CPSF2: variants seen among roughly 807,000 people sequenced by gnomAD.
The protein encoded by CPSF2 is cleavage and polyadenylation specific factor 2.
CPSF2 carries 51 observed loss-of-function variants against 84.2 expected under a neutral mutation model. The ratio of observed to expected loss-of-function variants is 0.61; its 90% CI spans 0.48 to 0.77. The LOEUF (loss-of-function observed/expected upper bound fraction) is 0.77. Ranked by LOEUF, CPSF2 falls within the 30% of genes least tolerant of loss-of-function variation. The pLI is 0.00. For missense variants in CPSF2, 641 were observed against 929.4 expected (o/e 0.69, Z 4.03); for synonymous variants, 286 against 311.9 (o/e 0.92, Z 0.87).
chr14:92,124,779 G>A (rs2068824804), intron 1 of CPSF2, among the ~76,000 whole-genome samples: 1 of 152,152 alleles, frequency 6.6e-6, no homozygotes, highest in African/African-American at 2.4e-5. Flanking sequence ...TATTCAACAT[G>A]ATTACATGTT....
rs781613826 is a variant in CPSF2 at position 92,170,564 on chromosome 14, A to G, written c.*8820A>G. 2.3e-4 allele frequency: 35 copies of G among 152,210 alleles called. No homozygotes were observed. Among genetic ancestry groups the G allele is most frequent in the Non-Finnish European group, 2.4e-4 (16 of 68,032 alleles). 9.4% of individuals were successfully genotyped at this position (152,210 alleles called of 1,614,324 possible). ...CTTTCCTTTTTTGGTCCACAGTCCAATCAGGATGAAGCACGCATTTAGTTA... is the reference window on the plus strand; with the variant it reads ...CTTTCCTTTTTTGGTCCACAGTCCAGTCAGGATGAAGCACGCATTTAGTTA... On this transcript the variant is annotated 3_prime_UTR_variant, in exon 16 of 16. Coordinates refer to ENST00000298875, the MANE Select transcript of CPSF2 (RefSeq NM_017437.3).
At chr14:92,130,264 G>C (rs1382024200) in intron 2 of CPSF2, among the ~76,000 whole-genome samples, 1 of 150,188 alleles carries the variant, frequency 6.7e-6, no homozygotes, top group Non-Finnish European at 1.5e-5. Flanking sequence ...ATGTACTCTT[G>C]TTTTTTGTTT....
At chr14:92,136,963 A>G (rs951838255) in intron 6 of CPSF2, among the ~76,000 whole-genome samples, 2 of 152,258 alleles carry the variant, frequency 1.3e-5, no homozygotes, top group Middle Eastern at 3.4e-3. Flanking sequence ...ACCAAGTTAC[A>G]AAGTAAAAGT....
Position 92,170,416 on chromosome 14 carries a change from G to T in CPSF2, c.*8672G>T, listed in dbSNP as rs1012368444. 6.6e-6 allele frequency: 1 copy of T among 152,060 alleles called. No homozygotes were observed. Among genetic ancestry groups the T allele is most frequent in the Admixed American group, 6.6e-5 (1 of 15,252 alleles). 9.4% of individuals were successfully genotyped at this position (152,060 alleles called of 1,614,324 possible). On this transcript the variant is annotated 3_prime_UTR_variant, in exon 16 of 16. Transcript: ENST00000298875. Reference sequence around the variant, plus strand: ...TTAAGTGTATACTTTTTAAAAACAAGGACACTCCTACATAACCACAGTACT... The same window carrying T: ...TTAAGTGTATACTTTTTAAAAACAATGACACTCCTACATAACCACAGTACT...
chr14:92,126,543 T>C (rs1400256130), intron 2 of CPSF2, among the ~76,000 whole-genome samples: 1 of 152,202 alleles, frequency 6.6e-6, no homozygotes, highest in Non-Finnish European at 1.5e-5. Context: ...AGGCGTGCTG[T>C]CTCACACCTG....
At chr14:92,140,743 C>G (rs1032561051) in intron 7 of CPSF2, among the ~76,000 whole-genome samples, 1 of 151,760 alleles carries the variant, frequency 6.6e-6, no homozygotes, top group African/African-American at 2.4e-5. Flanking sequence ...CAATCCCCAT[C>G]TCTACAAAAA....
chr14:92,161,382 G>A, intron 15 of CPSF2, 136 bp downstream of exon 15: 1 of 1,010,114 alleles, frequency 9.9e-7, no homozygotes, highest in Non-Finnish European at 1.4e-6. Context: ...TGACCTCAAA[G>A]GCTTACAGAA....
chr14:92,158,001 A>T, intron 13 of CPSF2, 117 bp downstream of exon 13: 2 of 701,766 alleles, frequency 2.8e-6, no homozygotes, highest in East Asian at 2.7e-5. Context: ...CTCCTGCCCT[A>T]GCAGACCTCA....
At position 92,170,578 on chromosome 14, in the gene CPSF2, C is replaced by T. The variant is rs902535243; in HGVS notation, c.*8834C>T. On this transcript the variant is annotated 3_prime_UTR_variant, in exon 16 of 16. Transcript: ENST00000298875. ...TCCACAGTCCAATCAGGATGAAGCACGCATTTAGTTACATTTTCCCTTTAG... is the reference window on the plus strand; with the variant it reads ...TCCACAGTCCAATCAGGATGAAGCATGCATTTAGTTACATTTTCCCTTTAG... 2.6e-5 allele frequency: 4 copies of T among 152,196 alleles called. No homozygotes were observed. Among genetic ancestry groups the T allele is most frequent in the Non-Finnish European group, 4.4e-5 (3 of 68,046 alleles). The allele number at this position is 152,196 out of a possible 1,614,324, so 9.4% of individuals were successfully genotyped here. A position where few individuals can be genotyped will look rare whatever the true frequency, so the allele number is the denominator to read the frequency against.
At chr14:92,133,380 A>G (rs1039429344) in intron 3 of CPSF2, among the ~76,000 whole-genome samples, 1 of 152,142 alleles carries the variant, frequency 6.6e-6, no homozygotes, top group African/African-American at 2.4e-5. Flanking sequence ...AGATTGCGTC[A>G]TTGCACTCCA....
chr14:92,130,885 A>C lies in CPSF2; in HGVS notation c.-34-66A>C, dbSNP rs570093362. The C allele has an allele frequency of 7.2e-6, 7 of 971,538 alleles. No individual in the cohort carries two copies. The East Asian group carries it at 2.1e-4, about 30-fold the overall frequency. 60.2% of individuals were successfully genotyped at this position (971,538 alleles called of 1,614,324 possible). A position where few individuals can be genotyped will look rare whatever the true frequency, so the allele number is the denominator to read the frequency against. ...TTAAAGATTTGAAATAATTTTAATCAATTTGTTTATTATATATGCCAGACT... is the reference window on the plus strand; with the variant it reads ...TTAAAGATTTGAAATAATTTTAATCCATTTGTTTATTATATATGCCAGACT... On this transcript the variant is annotated intron_variant, in intron 2 of 15. Coordinates refer to ENST00000298875, the MANE Select transcript of CPSF2 (RefSeq NM_017437.3).
Position 92,167,014 on chromosome 14 carries a change from C to CTTTTTTTTTTTTT in CPSF2, c.*5273_*5285dup, listed in dbSNP as rs61186732. Reference sequence around the variant, plus strand: ...TTCTGCTTATCGATTTCTTTTTTTTCTTTTTTTTTTTTTTTGAGATAGCAT... The same window carrying CTTTTTTTTTTTTT: ...TTCTGCTTATCGATTTCTTTTTTTTCTTTTTTTTTTTTTTTTTTTTTTTTTTTTGAGATAGCAT... On this transcript the variant is annotated 3_prime_UTR_variant, in exon 16 of 16. Transcript: ENST00000298875. 1.8e-4 allele frequency: 23 copies of CTTTTTTTTTTTTT among 128,946 alleles called. No individual in the cohort carries two copies. Among genetic ancestry groups the CTTTTTTTTTTTTT allele is most frequent in the East Asian group, 9.3e-4 (4 of 4,308 alleles). 8.0% of individuals were successfully genotyped at this position (128,946 alleles called of 1,614,324 possible).
intron 15 of CPSF2, 80 bp downstream of exon 15, chr14:92,161,326 T>C: frequency 2.7e-6 from 4 of 1,465,398 alleles, no homozygotes; most frequent in Non-Finnish European, 1.8e-6. Context: ...AATTCTTGTT[T>C]GGTATTTTCA....
Position 92,167,575 on chromosome 14 carries a change from C to T in CPSF2, c.*5831C>T, listed in dbSNP as rs2069464912. 6.6e-6 allele frequency: 1 copy of T among 152,120 alleles called. No homozygotes were observed. The highest frequency in any genetic ancestry group is 1.5e-5 in the Non-Finnish European group (1 of 68,036). 9.4% of individuals were successfully genotyped at this position (152,120 alleles called of 1,614,324 possible). On this transcript the variant is annotated 3_prime_UTR_variant, in exon 16 of 16. Transcript: ENST00000298875. The stretch of plus-strand genomic sequence containing the variant: ...AGAATCCATTGTTGCTTCTACACTG[C>T]ATTATTGCTTTGGTTCCCTAGTGTA...
At chr14:92,127,371 G>C (rs1213640982) in intron 2 of CPSF2, among the ~76,000 whole-genome samples, 1 of 152,180 alleles carries the variant, frequency 6.6e-6, no homozygotes, top group South Asian at 2.1e-4. Flanking sequence ...AGTGAAGAGA[G>C]AAGAAAATTT....
chr14:92,157,078 T>A lies in CPSF2; in HGVS notation c.1595+447T>A, dbSNP rs558074958. 6.6e-6 allele frequency among the ~76,000 whole-genome samples: 1 copy of A among 152,324 alleles called. No individual in the cohort carries two copies. Among genetic ancestry groups the A allele is most frequent in the East Asian group, 1.9e-4 (1 of 5,190 alleles). ...CTGAAGTAGTTAGAAACCTTTTTTC[T>A]CCCGCTTTCTACTTAGTTAAATAAT... On this transcript the variant is annotated intron_variant, in intron 12 of 15. Transcript: ENST00000298875. The surrounding 1 kb of genome is among the most constrained non-coding windows in gnomAD (Gnocchi z 4.0).
chr14:92,138,827 AAT>A lies in CPSF2; in HGVS notation c.661+481_661+482del, dbSNP rs1274676443. Among the ~76,000 whole-genome samples the A allele has an allele frequency of 2.2e-4, 33 of 152,314 alleles. No individual in the cohort carries two copies. In the East Asian group the frequency reaches 2.9e-3, roughly 13 times the overall value. On this transcript the variant is annotated intron_variant, in intron 7 of 15. Coordinates refer to ENST00000298875, the MANE Select transcript of CPSF2 (RefSeq NM_017437.3). ...ATCGTGAATGTTGTACCCAATGTAT[AAT>A]GTCCTTTTCAAGGAGCTGTGGAAAT...
At chr14:92,131,479 C>G (rs1383679100) in intron 3 of CPSF2, among the ~76,000 whole-genome samples, 1 of 152,130 alleles carries the variant, frequency 6.6e-6, no homozygotes, top group African/African-American at 2.4e-5. Flanking sequence ...CTTTCTACAT[C>G]TTTTGATGCT....
chr14:92,127,936 G>A (rs1286922522), intron 2 of CPSF2, among the ~76,000 whole-genome samples: 2 of 152,334 alleles, frequency 1.3e-5, no homozygotes, highest in Non-Finnish European at 2.9e-5. Context: ...AGGGTGGAGG[G>A]AGGGATGGGT....
Sources: allele counts gnomAD v4.1 joint callset (sites outside exome capture counted in the v4.1 genomes callset), GRCh38; gene constraint gnomAD v4.1.1; non-coding constraint Gnocchi (gnomAD v3.1); transcripts MANE v1.5; gene names NCBI Gene and HGNC (gene_info 2026-07-23, HGNC 2026-07-21).